The following ABR variants were observed in gnomAD, a reference collection of about 807,000 sequenced individuals.
ABR encodes the protein ABR activator of RhoGEF and GTPase, also known as active breakpoint cluster region-related protein.
In ABR, 35 loss-of-function variants were observed where a neutral mutation model predicts 107.2. The ratio of observed to expected loss-of-function variants is 0.33; its 90% CI spans 0.25 to 0.43. The LOEUF (loss-of-function observed/expected upper bound fraction) is 0.43, where lower values mean the gene tolerates loss of function less well. ABR is among the 20% of genes least tolerant of loss of function. ABR has a pLI of 1.00. For missense variants in ABR, 815 were observed against 1,115.2 expected (o/e 0.73, Z 3.83); for synonymous variants, 498 against 462.0 (o/e 1.08, Z -1.00).
At chr17:1,048,837 C>T (rs547337004) in intron 16 of ABR, among the ~76,000 whole-genome samples, 1 of 151,076 alleles carries the variant, frequency 6.6e-6, no homozygotes, top group African/African-American at 2.5e-5. Flanking sequence ...ATCACGTCTG[C>T]GGCCACTGTC....
At chr17:1,203,657 T>A (rs1053526889) in intron 1 of ABR, among the ~76,000 whole-genome samples, 6 of 152,108 alleles carry the variant, frequency 3.9e-5, no homozygotes, top group African/African-American at 1.4e-4. Context: ...TCGGCCTCGG[T>A]TTCTGAGGTT....
At chr17:1,190,988 C>T (rs1444219181), upstream of ABR, among the ~76,000 whole-genome samples, 2 of 152,216 alleles carry the variant, frequency 1.3e-5, no homozygotes, top group African/African-American at 2.4e-5. Flanking sequence ...CAGGGCCTGA[C>T]AGACAGGGCT....
chr17:1,057,108 G>T lies in ABR; in HGVS notation c.1382-6C>A. 6.3e-7 allele frequency: 1 copy of T among 1,599,840 alleles called. No individual in the cohort carries two copies. The highest frequency in any genetic ancestry group is 1.1e-5 in the South Asian group (1 of 90,596). ...CAGGACAAAGGCCTGGAGATCTGGA[G>T]GGAGAGCCGAGAGAGAAGGGAGCGT... On this transcript the variant is annotated splice_polypyrimidine_tract_variant and splice_region_variant and intron_variant, in intron 12 of 22. Transcript: ENST00000302538.
chr17:1,039,724 T>A (rs972780857), intron 16 of ABR: 1 of 152,114 alleles, frequency 6.6e-6, no homozygotes, highest in Admixed American at 6.5e-5. Flanking sequence ...CCTGGGGAAC[T>A]GGCACAGGGG....
In ABR at chr17:1,048,598, G is replaced by A. The variant is rs559092405; in HGVS notation, c.1791+1452C>T. Among the ~76,000 whole-genome samples the A allele has an allele frequency of 1.4e-4, 18 of 130,020 alleles. No individual in the cohort carries two copies. In the South Asian group the frequency reaches 1.4e-3, roughly 10 times the overall value. The allele number at this position is 130,020 out of a possible 152,430, so 85.3% of individuals were successfully genotyped here. A position where few individuals can be genotyped will look rare whatever the true frequency, so the allele number is the denominator to read the frequency against. On this transcript the variant is annotated intron_variant, in intron 16 of 22. Coordinates refer to ENST00000302538, the MANE Select transcript of ABR (RefSeq NM_021962.5). ...GCGCCTGGATCACGTCCGGGGCCAC[G>A]GTCAAGAAGCTCGGCGCCCAGCTGC...
intron 16 of ABR, among the ~76,000 whole-genome samples, chr17:1,019,772 T>C (rs2071476090): frequency 6.6e-6 from 1 of 152,270 alleles, no homozygotes. Flanking sequence ...GGCTGGCCCC[T>C]GGGACGTTGG....
Position 1,113,287 on chromosome 17 carries a change from T to TTG in ABR, c.246+11895_246+11896insCA, listed in dbSNP as rs1283071664. ...GGAAACACCTATTGCGATTTTTTTT[T>TTG]TTTTTTTTTTTTTTTTTGAGACGGA... On this transcript the variant is annotated intron_variant, in intron 2 of 22. Transcript: ENST00000302538. Among the ~76,000 whole-genome samples the TTG allele has an allele frequency of 7.1e-5, 10 of 140,072 alleles. 1 individual carries two copies. Among genetic ancestry groups the TTG allele is most frequent in the Admixed American group, 2.1e-4 (3 of 13,988 alleles). 91.9% of individuals were successfully genotyped at this position (140,072 alleles called of 152,430 possible).
In ABR at chr17:1,032,608, C is replaced by G. The variant is rs188763010; in HGVS notation, c.1791+17442G>C. Among the ~76,000 whole-genome samples, 4 of 88,600 alleles carry G rather than the reference C, an allele frequency of 4.5e-5. No homozygotes were observed. The East Asian group carries it at 9.6e-4, about 21-fold the overall frequency. The allele number at this position is 88,600 out of a possible 152,430, so 58.1% of individuals were successfully genotyped here. A position where few individuals can be genotyped will look rare whatever the true frequency, so the allele number is the denominator to read the frequency against. On this transcript the variant is annotated intron_variant, in intron 16 of 22. Coordinates refer to ENST00000302538, the MANE Select transcript of ABR (RefSeq NM_021962.5). ...GGACGCCACGGGCAACCACCCGCGT[C>G]CGTGCTGGGCGCAGAGGACGCCACG...
chr17:1,216,481 AAATCACGTCCAGCCTG>A (rs1182951681), intron 1 of ABR, among the ~76,000 whole-genome samples: 4 of 152,236 alleles, frequency 2.6e-5, no homozygotes, highest in Non-Finnish European at 5.9e-5. Flanking sequence ...GCCATTGGCA[AAATCACGTCCAGCCTG>A]AAGGGGCCCG....
intron 2 of ABR, among the ~76,000 whole-genome samples, chr17:1,115,903 G>A (rs963231420): frequency 5.3e-5 from 8 of 150,910 alleles, no homozygotes; most frequent in Non-Finnish European, 1.2e-4. Context: ...CTCCAGCCTG[G>A]GTGACAGAAG....
intron 16 of ABR, among the ~76,000 whole-genome samples, chr17:1,049,334 A>AT (rs1369152295): frequency 6.6e-6 from 1 of 151,880 alleles, no homozygotes; most frequent in Non-Finnish European, 1.5e-5. Context: ...CGACCTGCTA[A>AT]TTTTTGTATT....
intron 1 of ABR, among the ~76,000 whole-genome samples, chr17:1,144,462 T>C (rs1176649084): frequency 3.3e-5 from 5 of 151,912 alleles, no homozygotes; most frequent in Admixed American, 1.3e-4. Context: ...TGCCGCCACT[T>C]CCTTATCTGT....
intron 3 of ABR, 128 bp from the exon 4 acceptor site, chr17:1,091,978 G>T: frequency 2.9e-6 from 3 of 1,021,028 alleles, no homozygotes; most frequent in African/African-American, 1.6e-5. Flanking sequence ...GCCAAAGGCA[G>T]GGCACTGAAA....
intron 3 of ABR, among the ~76,000 whole-genome samples, chr17:1,096,627 G>T (rs1251649332): frequency 2.0e-5 from 3 of 152,144 alleles, no homozygotes; most frequent in African/African-American, 7.2e-5. Context: ...GCTCCCTCTG[G>T]TCTCTGCTCA....
intron 1 of ABR, among the ~76,000 whole-genome samples, chr17:1,153,597 G>A (rs2040904486): frequency 9.7e-6 from 1 of 102,698 alleles, no homozygotes; most frequent in South Asian, 3.9e-4. Context: ...GGGGACCCAG[G>A]CACACCTGCG....
rs1021858683 is a variant in ABR, at chr17:1,084,120, G to A, written c.532-493C>T. Among the ~76,000 whole-genome samples the A allele has an allele frequency of 5.9e-5, 9 of 152,206 alleles. No homozygotes were observed. The highest frequency in any genetic ancestry group is 1.0e-4 in the Non-Finnish European group (7 of 68,034). On this transcript the variant is annotated intron_variant, in intron 4 of 22. Transcript: ENST00000302538. This position sits in a 1 kb window ranked among gnomAD's most constrained non-coding sequence, Gnocchi z 4.2. Reference sequence around the variant, plus strand: ...TTTAAAGGTGCTGTCTTGGCCGGGCGTGGCGGCTCACGCCTGTAACCCCAG... The same window carrying A: ...TTTAAAGGTGCTGTCTTGGCCGGGCATGGCGGCTCACGCCTGTAACCCCAG...
chr17:1,030,019 G>A (rs980068121), intron 16 of ABR, among the ~76,000 whole-genome samples: 1 of 151,802 alleles, frequency 6.6e-6, no homozygotes, highest in Non-Finnish European at 1.5e-5. Context: ...GCCCAGGGCC[G>A]GGGCCACCCT....
At chr17:1,101,722 CATTTATTTTTTCTTTTTTTT>C (rs1362049898) in intron 2 of ABR, among the ~76,000 whole-genome samples, 2 of 151,494 alleles carry the variant, frequency 1.3e-5, no homozygotes, top group Non-Finnish European at 2.9e-5. Flanking sequence ...GTGGGAAAGA[CATTTATTTTTTCTTTTTTTT>C]TTTTTTTTAG....
At chr17:1,044,353 C>G (rs2031219154) in intron 16 of ABR, among the ~76,000 whole-genome samples, 1 of 152,154 alleles carries the variant, frequency 6.6e-6, no homozygotes, top group Non-Finnish European at 1.5e-5. Flanking sequence ...TAAACGCCCT[C>G]TAAGATTTAT....
Sources: allele counts gnomAD v4.1 joint callset (sites outside exome capture counted in the v4.1 genomes callset), GRCh38; gene constraint gnomAD v4.1.1; non-coding constraint Gnocchi (gnomAD v3.1); transcripts MANE v1.5; gene names NCBI Gene and HGNC (gene_info 2026-07-23, HGNC 2026-07-21).